The following DNAI7 variants were observed in gnomAD, a reference collection of about 807,000 sequenced individuals.
The protein encoded by DNAI7 is cancer susceptibility 1.
In DNAI7, 78 loss-of-function variants were observed where a neutral mutation model predicts 86.6. The ratio of observed to expected loss-of-function variants is 0.90; its 90% CI spans 0.75 to 1.09. The LOEUF is 1.09. Ranked by LOEUF, DNAI7 falls within the 50% of genes least tolerant of loss-of-function variation. The probability of loss-of-function intolerance (pLI) is 0.00; values close to 1 mark genes in which losing one functional copy is unlikely to be tolerated. For missense variants in DNAI7, 753 were observed against 810.2 expected (o/e 0.93, Z 0.86); for synonymous variants, 274 against 273.0 (o/e 1.00, Z -0.04).
chr12:25,154,424 A>G lies in DNAI7; in HGVS notation c.333T>C (p.Pro111=), dbSNP rs1189533128. The change falls in exon 6 of 16, where the codon CCT becomes CCC. Residue 111 remains proline, a synonymous_variant. Transcript: ENST00000395987. ...WKHYIQCDGS[P]DPSVAQEMNT... ...TCATTTCTTGGGCTACTGAAGGATCAGGACTCCCATCACATTGAATGTAGT... is the reference window on the plus strand; with the variant it reads ...TCATTTCTTGGGCTACTGAAGGATCGGGACTCCCATCACATTGAATGTAGT... 3 of 1,610,748 alleles carry G rather than the reference A, an allele frequency of 1.9e-6. No homozygotes were observed. Among genetic ancestry groups the G allele is most frequent in the African/African-American group, 2.7e-5 (2 of 74,910 alleles).
rs1193940977 is a variant in DNAI7 at position 25,108,625 on chromosome 12, C to T, written c.2092G>A (p.Val698Ile). 2 of 1,613,630 alleles carry T rather than the reference C, an allele frequency of 1.2e-6. No individual in the cohort carries two copies. The highest frequency in any genetic ancestry group is 1.7e-5 in the Admixed American group (1 of 59,980). ...ACAAACTGACAGTTGGAACTCCTGACTTTCTCCATTGCTTCCTCAGAAGCA... is the reference window on the plus strand; with the variant it reads ...ACAAACTGACAGTTGGAACTCCTGATTTTCTCCATTGCTTCCTCAGAAGCA... ...DFASEEAMEKVRSSNCQFVNS... is the reference protein window; with the variant it reads ...DFASEEAMEKIRSSNCQFVNS... The change falls in exon 16 of 16, where the codon GTC (valine) becomes ATC (isoleucine). Residue 698 changes from valine to isoleucine, a missense_variant. Coordinates refer to ENST00000395987, the MANE Select transcript of DNAI7 (RefSeq NM_018272.5).
At chr12:25,186,203 C>T (rs1030404175) in intron 2 of DNAI7, among the ~76,000 whole-genome samples, 23 of 152,240 alleles carry the variant, frequency 1.5e-4, no homozygotes, top group Admixed American at 1.5e-3. Flanking sequence ...CATCAGGTAT[C>T]ATAACCTTTT....
rs570048844 is a variant in DNAI7 at position 25,135,391 on chromosome 12, T to A, written c.1002+8974A>T. ...TCCTTGGGGAGAGCTGCCAGTGGAA[T>A]TGGGGAAGGACCACAGGGAGAAGGA... On this transcript the variant is annotated intron_variant, in intron 9 of 15. Transcript: ENST00000395987. Among the ~76,000 whole-genome samples the A allele has an allele frequency of 2.6e-5, 4 of 152,274 alleles. No individual in the cohort carries two copies. The East Asian group carries it at 7.7e-4, about 29-fold the overall frequency.
At position 25,188,418 on chromosome 12, in the gene DNAI7, G is replaced by C. The variant is rs76173563; in HGVS notation, c.21+2196C>G. 3.5e-3 allele frequency among the ~76,000 whole-genome samples: 528 copies of C among 152,128 alleles called. 8 individuals are homozygous for C. Among genetic ancestry groups the C allele is most frequent in the African/African-American group, 0.012 (509 of 41,528 alleles). On this transcript the variant is annotated intron_variant, in intron 2 of 15. Coordinates refer to ENST00000395987, the MANE Select transcript of DNAI7 (RefSeq NM_018272.5). ...AATTTTTTAATGCTATTTTAATTTT[G>C]TACCATGTGTGTTCATTAATTTTCC...
chr12:25,182,035 T>A (rs767362617), intron 2 of DNAI7, among the ~76,000 whole-genome samples: 10,494 of 37,646 alleles, frequency 0.28, 473 homozygotes, highest in Non-Finnish European at 0.33. Context: ...GAAAAGAAAT[T>A]TTTTTTTTTT....
intron 7 of DNAI7, among the ~76,000 whole-genome samples, chr12:25,148,155 T>C (rs1322875926): frequency 2.6e-5 from 4 of 152,192 alleles, no homozygotes; most frequent in African/African-American, 7.2e-5. Flanking sequence ...TTCAGGACAA[T>C]TGTCTTGTAG....
chr12:25,147,970 C>T (rs946813021), intron 7 of DNAI7, among the ~76,000 whole-genome samples: 3 of 152,066 alleles, frequency 2.0e-5, no homozygotes, highest in Non-Finnish European at 2.9e-5. Flanking sequence ...AAAACTAACA[C>T]AGTTTGATGC....
rs1314304898 is a variant in DNAI7, at chr12:25,144,354, A to C, written c.1002+11T>G. ...TGAATAAAAAAATGTGTATATTTAAATGTGTCCTACCATTTTCACTTCAAT... is the reference window on the plus strand; with the variant it reads ...TGAATAAAAAAATGTGTATATTTAACTGTGTCCTACCATTTTCACTTCAAT... On this transcript the variant is annotated intron_variant, in intron 9 of 15. Coordinates refer to ENST00000395987, the MANE Select transcript of DNAI7 (RefSeq NM_018272.5). The C allele has an allele frequency of 1.3e-6, 2 of 1,599,484 alleles. No homozygotes were observed. Among genetic ancestry groups the C allele is most frequent in the Non-Finnish European group, 1.7e-6 (2 of 1,168,996 alleles).
chr12:25,134,953 A>ATTC (rs1376826826), intron 9 of DNAI7, among the ~76,000 whole-genome samples: 2 of 152,242 alleles, frequency 1.3e-5, no homozygotes, highest in Non-Finnish European at 2.9e-5. Flanking sequence ...CATTTAGGAA[A>ATTC]AATGGCAGAT....
At chr12:25,121,721 A>AC in intron 11 of DNAI7, 32 bp downstream of exon 11, 1 of 1,546,472 alleles carries the variant, frequency 6.5e-7, no homozygotes, top group Non-Finnish European at 8.8e-7. Flanking sequence ...CAATTATTTT[A>AC]CTTATAAGTT....
chr12:25,125,965 T>C (rs1228025658), intron 9 of DNAI7, among the ~76,000 whole-genome samples: 1 of 152,176 alleles, frequency 6.6e-6, no homozygotes, highest in Admixed American at 6.6e-5. Flanking sequence ...GTTCCATTGG[T>C]CTATGTGCCT....
At chr12:25,165,758 G>A (rs1295578816) in intron 2 of DNAI7, among the ~76,000 whole-genome samples, 17 of 152,094 alleles carry the variant, frequency 1.1e-4, no homozygotes, top group Admixed American at 1.1e-3. Flanking sequence ...CTTTTCAAGG[G>A]CCTGTTTCCC....
chr12:25,164,383 G>T (rs1170677756), intron 2 of DNAI7, among the ~76,000 whole-genome samples: 2 of 151,832 alleles, frequency 1.3e-5, no homozygotes, highest in East Asian at 3.9e-4. Context: ...TTTTCTCTGG[G>T]CTTGCCTCCT....
At chr12:25,117,748 G>A (rs1940417432) in intron 12 of DNAI7, among the ~76,000 whole-genome samples, 3 of 152,086 alleles carry the variant, frequency 2.0e-5, no homozygotes, top group South Asian at 4.1e-4. Context: ...GTATACAAGT[G>A]GCTAGTTTTC....
chr12:25,113,909 G>C (rs1939493610), intron 13 of DNAI7, among the ~76,000 whole-genome samples: 1 of 147,864 alleles, frequency 6.8e-6, no homozygotes, highest in African/African-American at 2.5e-5. Flanking sequence ...AAACATTACA[G>C]GCTATGTAAT....
intron 15 of DNAI7, among the ~76,000 whole-genome samples, chr12:25,109,408 T>TG (rs1156486308): frequency 2.0e-5 from 3 of 148,986 alleles, no homozygotes; most frequent in African/African-American, 7.2e-5. Flanking sequence ...TTTTAAGAGA[T>TG]GGGGGTCTCA....
At chr12:25,122,742 T>G (rs2140477431) in intron 10 of DNAI7, among the ~76,000 whole-genome samples, 1 of 152,326 alleles carries the variant, frequency 6.6e-6, no homozygotes, top group South Asian at 2.1e-4. Context: ...GATTTTCAGT[T>G]GTGTATGTGT....
At position 25,146,897 on chromosome 12, in the gene DNAI7, C is replaced by G. The variant is rs1056927720; in HGVS notation, c.689+104G>C. ...GGCTAACTTCCTGAAATGGGCTTTT[C>G]CAAACACACCATGCTGCTATGCAAT... On this transcript the variant is annotated intron_variant, in intron 8 of 15. Coordinates refer to ENST00000395987, the MANE Select transcript of DNAI7 (RefSeq NM_018272.5). The G allele has an allele frequency of 4.7e-6, 3 of 641,970 alleles. No individual in the cohort carries two copies. In the South Asian group the frequency reaches 6.3e-5, roughly 13 times the overall value. 39.8% of individuals were successfully genotyped at this position (641,970 alleles called of 1,614,324 possible). A position where few individuals can be genotyped will look rare whatever the true frequency, so the allele number is the denominator to read the frequency against.
chr12:25,144,220 T>C (rs982920057), intron 9 of DNAI7, 145 bp downstream of exon 9: 9 of 658,758 alleles, frequency 1.4e-5, no homozygotes, highest in Non-Finnish European at 5.3e-6. Flanking sequence ...AAGAAAAAGA[T>C]ACATATTAAA....
Sources: gnomAD v4.1 joint callset for allele counts (sites outside exome capture counted in the v4.1 genomes callset) on GRCh38, gnomAD v4.1.1 for gene constraint, MANE v1.5 for transcripts, NCBI Gene and HGNC (gene_info 2026-07-23, HGNC 2026-07-21) for gene names.